Variants in CDH18 observed in about 807,000 individuals in gnomAD.
CDH18 encodes cadherin-18.
In CDH18, 31 loss-of-function variants were observed where a neutral mutation model predicts 67.9. The ratio of observed to expected loss-of-function variants is 0.46; its 90% CI spans 0.34 to 0.62. The LOEUF (loss-of-function observed/expected upper bound fraction) is 0.62, where lower values mean the gene tolerates loss of function less well. Among genes scored for constraint, CDH18 ranks in the 20% least tolerant of loss-of-function variants. CDH18 has a pLI of 0.01. For missense variants in CDH18, 890 were observed against 975.5 expected (o/e 0.91, Z 1.17); for synonymous variants, 362 against 347.2 (o/e 1.04, Z -0.48).
At chr5:19,642,193 G>T (rs978499207) in intron 5 of CDH18, among the ~76,000 whole-genome samples, 1 of 151,814 alleles carries the variant, frequency 6.6e-6, no homozygotes, top group Non-Finnish European at 1.5e-5. Context: ...ATAGATAAAT[G>T]GAAAGACAGC....
intron 2 of CDH18, among the ~76,000 whole-genome samples, chr5:20,072,830 C>T (rs968869876): frequency 2.0e-5 from 3 of 151,630 alleles, no homozygotes; most frequent in African/African-American, 7.3e-5. Context: ...AGTATTTTTA[C>T]AGAAATACAT....
At chr5:20,314,658 T>C (rs1737300503) in intron 1 of CDH18, among the ~76,000 whole-genome samples, 1 of 152,098 alleles carries the variant, frequency 6.6e-6, no homozygotes, top group South Asian at 2.1e-4. Flanking sequence ...CTTAAGCTTA[T>C]TTGATAGATG....
intron 2 of CDH18, among the ~76,000 whole-genome samples, chr5:20,175,229 G>A (rs1386573484): frequency 1.3e-5 from 2 of 152,102 alleles, no homozygotes; most frequent in East Asian, 3.9e-4. Flanking sequence ...AGAGAGGAAA[G>A]AGAGCAGGAG....
intron 1 of CDH18, among the ~76,000 whole-genome samples, chr5:20,340,690 G>A (rs966381880): frequency 6.6e-6 from 1 of 152,144 alleles, no homozygotes; most frequent in African/African-American, 2.4e-5. Flanking sequence ...GGAGCCTCAG[G>A]TGATTCTGGA....
chr5:19,640,198 C>G (rs1753807178), intron 5 of CDH18, among the ~76,000 whole-genome samples: 1 of 152,114 alleles, frequency 6.6e-6, no homozygotes, highest in South Asian at 2.1e-4. Flanking sequence ...GCTAAATATA[C>G]AGTCATATGC....
In CDH18 at chr5:19,960,889, T is replaced by A. The variant is rs565753388; in HGVS notation, c.-257+20171A>T. Among the ~76,000 whole-genome samples the A allele has an allele frequency of 2.7e-5, 4 of 150,420 alleles. No homozygotes were observed. In the East Asian group the frequency reaches 7.9e-4, roughly 30 times the overall value. On this transcript the variant is annotated intron_variant, in intron 2 of 12. Coordinates refer to ENST00000382275, the MANE Select transcript of CDH18 (RefSeq NM_004934.5). ...ACAATAAAAACTATACTGCAGTAAATCATAACCCAATAACATAGTCATTTA... is the reference window on the plus strand; with the variant it reads ...ACAATAAAAACTATACTGCAGTAAAACATAACCCAATAACATAGTCATTTA...
chr5:20,412,972 C>T (rs1580941246), intron 1 of CDH18, among the ~76,000 whole-genome samples: 1 of 152,148 alleles, frequency 6.6e-6, no homozygotes, highest in East Asian at 1.9e-4. Flanking sequence ...ATCCCCGCAC[C>T]CCACGACAGG....
At chr5:20,329,143 G>A (rs1454633108) in intron 1 of CDH18, among the ~76,000 whole-genome samples, 1 of 152,126 alleles carries the variant, frequency 6.6e-6, no homozygotes, top group South Asian at 2.1e-4. Context: ...ATTCCTGAGG[G>A]CTTCAATGAG....
At chr5:20,049,210 A>T (rs1741184161) in intron 2 of CDH18, among the ~76,000 whole-genome samples, 1 of 151,714 alleles carries the variant, frequency 6.6e-6, no homozygotes. Flanking sequence ...GACATTCTAG[A>T]AGAGCGTACT....
chr5:20,161,476 A>T (rs1364448336), intron 2 of CDH18, among the ~76,000 whole-genome samples: 1 of 152,174 alleles, frequency 6.6e-6, no homozygotes, highest in Admixed American at 6.5e-5. Flanking sequence ...GCCCAAAGTG[A>T]ATGTGGGACA....
intron 1 of CDH18, among the ~76,000 whole-genome samples, chr5:20,330,367 C>A (rs186561983): frequency 1.3e-5 from 2 of 152,176 alleles, no homozygotes; most frequent in Admixed American, 1.3e-4. Flanking sequence ...CCAGTAATAT[C>A]AGGGGACCAT....
intron 2 of CDH18, among the ~76,000 whole-genome samples, chr5:19,996,744 T>C (rs1206225212): frequency 6.6e-6 from 1 of 152,044 alleles, no homozygotes; most frequent in East Asian, 1.9e-4. Context: ...TATCATGTTA[T>C]TGCTAATTGG....
chr5:20,515,978 C>T (rs369526243), intron 1 of CDH18, among the ~76,000 whole-genome samples: 158 of 152,028 alleles, frequency 1.0e-3, no homozygotes, highest in African/African-American at 3.4e-3. Context: ...GTGACTTTAA[C>T]GATTACAATG....
chr5:20,305,253 A>C, intron 1 of CDH18: 1 of 1,373,684 alleles, frequency 7.3e-7, no homozygotes. Flanking sequence ...CTCCTCCAGA[A>C]GGTACCACTA....
At chr5:19,595,601 C>T (rs531171223) in intron 6 of CDH18, among the ~76,000 whole-genome samples, 12 of 152,076 alleles carry the variant, frequency 7.9e-5, no homozygotes, top group South Asian at 2.1e-4. Flanking sequence ...TCAGCCTGGG[C>T]GACAGAGCGA....
At chr5:20,075,041 T>C (rs149427804) in intron 2 of CDH18, among the ~76,000 whole-genome samples, 4,252 of 152,252 alleles carry the variant, frequency 0.028, 84 homozygotes, top group Non-Finnish European at 0.042. Flanking sequence ...GAAAAATAAA[T>C]CATTTGTAAC....
At chr5:20,072,292 T>C (rs1044191811) in intron 2 of CDH18, among the ~76,000 whole-genome samples, 1 of 152,064 alleles carries the variant, frequency 6.6e-6, no homozygotes, top group Non-Finnish European at 1.5e-5. Flanking sequence ...ATTTCTCTTC[T>C]TGTGTTTCTT....
At chr5:20,518,949 G>T (rs1220198119) in intron 1 of CDH18, among the ~76,000 whole-genome samples, 3 of 152,122 alleles carry the variant, frequency 2.0e-5, no homozygotes, top group African/African-American at 7.2e-5. Context: ...GAAAGAAAAA[G>T]ATAACAGTTT....
chr5:19,648,708 A>C (rs962570), intron 5 of CDH18, among the ~76,000 whole-genome samples: 84,573 of 151,720 alleles, frequency 0.56, 26,718 homozygotes, highest in South Asian at 0.75. Flanking sequence ...CAGTCATTTT[A>C]ACAATGAATC....
Sources: gnomAD v4.1 joint callset for allele counts (sites outside exome capture counted in the v4.1 genomes callset) on GRCh38, gnomAD v4.1.1 for gene constraint, MANE v1.5 for transcripts, NCBI Gene and HGNC (gene_info 2026-07-23, HGNC 2026-07-21) for gene names.